SHC3: variants seen among roughly 807,000 people sequenced by gnomAD.
SHC3 encodes SHC adaptor protein 3.
A neutral mutation model predicts 60.4 loss-of-function variants in SHC3; 15 were observed. The observed-to-expected ratio is 0.25, with a 90% CI of 0.17 to 0.38. The LOEUF is 0.38. Among genes scored for constraint, SHC3 ranks in the 10% least tolerant of loss-of-function variants. SHC3 has a pLI of 1.00. For synonymous variants in SHC3, 294 were observed against 325.9 expected (o/e 0.90, Z 1.05); for missense variants, 677 against 786.1 (o/e 0.86, Z 1.66).
At chr9:89,106,888 G>T (rs1275467549) in intron 2 of SHC3, among the ~76,000 whole-genome samples, 1 of 152,098 alleles carries the variant, frequency 6.6e-6, no homozygotes, top group Non-Finnish European at 1.5e-5. Flanking sequence ...ATGCATTATG[G>T]TTGAGGGACT....
intron 11 of SHC3, among the ~76,000 whole-genome samples, chr9:89,015,575 C>A (rs1398745346): frequency 2.0e-5 from 3 of 152,208 alleles, no homozygotes; most frequent in African/African-American, 7.2e-5. Flanking sequence ...TATTTACTGA[C>A]TAAGGAAATA....
chr9:89,102,561 T>C (rs1446116066), intron 2 of SHC3, among the ~76,000 whole-genome samples: 1 of 152,208 alleles, frequency 6.6e-6, no homozygotes, highest in Non-Finnish European at 1.5e-5. Flanking sequence ...TGATTCTAAG[T>C]GATATGAAAG....
intron 2 of SHC3, among the ~76,000 whole-genome samples, chr9:89,103,199 T>C (rs536592157): frequency 6.6e-6 from 1 of 152,132 alleles, no homozygotes; most frequent in Non-Finnish European, 1.5e-5. Context: ...CACGTTAACC[T>C]ATTCACAAGA....
At chr9:89,063,440 T>C (rs1368414372) in intron 6 of SHC3, among the ~76,000 whole-genome samples, 1 of 152,206 alleles carries the variant, frequency 6.6e-6, no homozygotes, top group African/African-American at 2.4e-5. Flanking sequence ...CAGCTGTGAC[T>C]AGTAAATCTA....
intron 1 of SHC3, among the ~76,000 whole-genome samples, chr9:89,146,647 C>T (rs1202837378): frequency 6.6e-6 from 1 of 152,046 alleles, no homozygotes; most frequent in African/African-American, 2.4e-5. Flanking sequence ...AGGCAGAGGC[C>T]CTCATCTCCT....
intron 11 of SHC3, among the ~76,000 whole-genome samples, chr9:89,031,623 ACTTT>A (rs1735098192): frequency 1.3e-5 from 2 of 152,106 alleles, no homozygotes; most frequent in African/African-American, 4.8e-5. Flanking sequence ...ACGACATTTT[ACTTT>A]CTTATTTATC....
At chr9:89,014,875 T>C (rs1826068884) in intron 11 of SHC3, among the ~76,000 whole-genome samples, 2 of 152,122 alleles carry the variant, frequency 1.3e-5, no homozygotes. Flanking sequence ...GAGAAGTTCA[T>C]ACCATCTGCT....
intron 11 of SHC3, among the ~76,000 whole-genome samples, chr9:89,023,656 C>G (rs567341408): frequency 2.2e-4 from 34 of 152,122 alleles, no homozygotes; most frequent in Non-Finnish European, 4.3e-4. Context: ...TTTTATTCAT[C>G]CAAGCATCTA....
chr9:89,112,676 AG>A, intron 1 of SHC3, 50 bp from the exon 2 acceptor site: 1 of 1,523,730 alleles, frequency 6.6e-7, no homozygotes, highest in East Asian at 2.4e-5. Flanking sequence ...TGAGATAAAG[AG>A]ACAACTCCTA....
At chr9:89,133,526 G>A (rs1826278924) in intron 1 of SHC3, among the ~76,000 whole-genome samples, 1 of 152,158 alleles carries the variant, frequency 6.6e-6, no homozygotes, top group Admixed American at 6.5e-5. Flanking sequence ...GTCCACCAAG[G>A]ATAGACTGGA....
chr9:89,165,380 G>A (rs1826771978), intron 1 of SHC3, among the ~76,000 whole-genome samples: 2 of 151,944 alleles, frequency 1.3e-5, no homozygotes, highest in African/African-American at 2.4e-5. Flanking sequence ...GAACTGAGAG[G>A]AAACTTTCAC....
intron 1 of SHC3, among the ~76,000 whole-genome samples, chr9:89,148,485 T>A (rs1826501750): frequency 6.6e-6 from 1 of 152,220 alleles, no homozygotes; most frequent in African/African-American, 2.4e-5. Flanking sequence ...AAATTTCAAC[T>A]TTTTCTCTCA....
intron 7 of SHC3, among the ~76,000 whole-genome samples, chr9:89,049,897 C>A (rs1469774427): frequency 6.6e-6 from 1 of 152,104 alleles, no homozygotes; most frequent in Non-Finnish European, 1.5e-5. Flanking sequence ...TCTTCTTCCA[C>A]TACGTGGCTG....
At chr9:89,150,726 T>C (rs1826534005) in intron 1 of SHC3, among the ~76,000 whole-genome samples, 1 of 152,204 alleles carries the variant, frequency 6.6e-6, no homozygotes, top group Non-Finnish European at 1.5e-5. Flanking sequence ...TATATACCTG[T>C]GAGTGGAATT....
At chr9:89,095,043 T>C (rs903949954) in intron 2 of SHC3, among the ~76,000 whole-genome samples, 2 of 152,314 alleles carry the variant, frequency 1.3e-5, no homozygotes, top group Admixed American at 6.5e-5. Flanking sequence ...GCAGCCACTG[T>C]GGAAAACGGC....
At chr9:89,035,854 T>TATATATATATATATATATATATA (rs1376173933) in intron 11 of SHC3, among the ~76,000 whole-genome samples, 1 of 73,862 alleles carries the variant, frequency 1.4e-5, no homozygotes, top group Non-Finnish European at 3.0e-5. Context: ...TATATAGATG[T>TATATATATATATATATATATATA]GTGTGTGTGT....
rs1439840976 is a variant in SHC3, at chr9:89,099,517, C to T, written c.545+13039G>A. On this transcript the variant is annotated intron_variant, in intron 2 of 11. Coordinates refer to ENST00000375835, the MANE Select transcript of SHC3 (RefSeq NM_016848.6). ...TTATTTCCAGTATTTTCTTCCAAGCCACTGAACCCTATCCTGCAAGCTTTA... is the reference window on the plus strand; with the variant it reads ...TTATTTCCAGTATTTTCTTCCAAGCTACTGAACCCTATCCTGCAAGCTTTA... Among the ~76,000 whole-genome samples, 9 of 152,110 alleles carry T rather than the reference C, an allele frequency of 5.9e-5. No homozygotes were observed. In the East Asian group the frequency reaches 1.5e-3, roughly 26 times the overall value.
At chr9:89,022,844 G>A (rs1220874982) in intron 11 of SHC3, among the ~76,000 whole-genome samples, 1 of 152,142 alleles carries the variant, frequency 6.6e-6, no homozygotes, top group Non-Finnish European at 1.5e-5. Context: ...CCCGAAGCCT[G>A]CCCTGAATTC....
intron 2 of SHC3, among the ~76,000 whole-genome samples, chr9:89,086,354 G>T (rs747957085): frequency 2.6e-5 from 4 of 152,174 alleles, no homozygotes; most frequent in Admixed American, 2.6e-4. Flanking sequence ...ACCACCCCCA[G>T]CTTGGGTTCA....
Sources: gnomAD v4.1 joint callset for allele counts (sites outside exome capture counted in the v4.1 genomes callset) on GRCh38, gnomAD v4.1.1 for gene constraint, MANE v1.5 for transcripts, NCBI Gene and HGNC (gene_info 2026-07-23, HGNC 2026-07-21) for gene names.